LRBA: variants seen among roughly 807,000 people sequenced by gnomAD.
LRBA encodes the protein lipopolysaccharide-responsive and beige-like anchor protein.
LRBA carries 176 observed loss-of-function variants against 330.0 expected under a neutral mutation model. That is an observed-to-expected ratio of 0.53 (90% CI 0.47 to 0.60). LRBA has a LOEUF of 0.60. Among genes scored for constraint, LRBA ranks in the 20% least tolerant of loss-of-function variants. The pLI is 0.00. For missense variants in LRBA, 3,259 were observed against 3,444.8 expected (o/e 0.95, Z 1.35); for synonymous variants, 1,230 against 1,193.0 (o/e 1.03, Z -0.64).
chr4:150,418,648 A>G (rs1386873229), intron 46 of LRBA, among the ~76,000 whole-genome samples: 1 of 152,198 alleles, frequency 6.6e-6, no homozygotes, highest in East Asian at 1.9e-4. Context: ...AGCTTTCAAC[A>G]TTTCACTTGA....
At chr4:150,577,250 T>C (rs185908032) in intron 40 of LRBA, among the ~76,000 whole-genome samples, 49 of 152,138 alleles carry the variant, frequency 3.2e-4, no homozygotes, top group African/African-American at 1.2e-3. Context: ...TATTTAAATA[T>C]AATTACTTCA....
chr4:150,268,394 A>AAATT lies in LRBA; in HGVS notation c.8469-2586_8469-2583dup, dbSNP rs1205133639. On this transcript the variant is annotated intron_variant, in intron 56 of 56. Coordinates refer to ENST00000651943, the MANE Select transcript of LRBA (RefSeq NM_001364905.1). Reference sequence around the variant, plus strand: ...ATCCTTCTCAATTTCTTCTTCCAAAAAATTAAAGAATCCAGAACACTTCCT... The same window carrying AAATT: ...ATCCTTCTCAATTTCTTCTTCCAAAAAATTAATTAAAGAATCCAGAACACTTCCT... Among the ~76,000 whole-genome samples the AAATT allele has an allele frequency of 3.3e-5, 5 of 152,340 alleles. No individual in the cohort carries two copies. In the South Asian group the frequency reaches 6.2e-4, roughly 19 times the overall value.
At chr4:151,012,316 G>A (rs536566520) in intron 2 of LRBA, among the ~76,000 whole-genome samples, 2 of 152,260 alleles carry the variant, frequency 1.3e-5, no homozygotes, top group South Asian at 2.1e-4. Flanking sequence ...AATGACTCAC[G>A]TTTGGTCATC....
rs11730074 is a variant in LRBA, at chr4:150,678,954, T to C, written c.5921+4597A>G. On this transcript the variant is annotated intron_variant, in intron 37 of 56. Coordinates refer to ENST00000651943, the MANE Select transcript of LRBA (RefSeq NM_001364905.1). ...TAAGTAAGGTATATTAGCATTTTAG[T>C]ATACTAATTTCACTACAAATTCATT... Among the ~76,000 whole-genome samples the C allele has an allele frequency of 5.4e-3, 824 of 152,246 alleles. 2 individuals are homozygous for C. The highest frequency in any genetic ancestry group is 7.1e-3 in the Non-Finnish European group (484 of 68,020).
At chr4:150,532,214 T>C (rs1449974923) in intron 40 of LRBA, among the ~76,000 whole-genome samples, 1 of 152,202 alleles carries the variant, frequency 6.6e-6, no homozygotes, top group East Asian at 1.9e-4. Context: ...CCCTCATCCA[T>C]TATCCTTGTA....
intron 37 of LRBA, among the ~76,000 whole-genome samples, chr4:150,671,005 T>TG (rs1338328355): frequency 1.4e-5 from 2 of 142,128 alleles, no homozygotes; most frequent in East Asian, 4.3e-4. Context: ...AGCTGATGTG[T>TG]GTGTGTGTGT....
intron 17 of LRBA, among the ~76,000 whole-genome samples, chr4:150,878,638 C>A (rs1321285444): frequency 6.6e-6 from 1 of 151,104 alleles, no homozygotes; most frequent in East Asian, 1.9e-4. Flanking sequence ...CAAGCACAAT[C>A]AGAAATGACA....
chr4:150,432,223 G>A (rs185554962), intron 46 of LRBA, among the ~76,000 whole-genome samples: 1 of 151,848 alleles, frequency 6.6e-6, no homozygotes, highest in Non-Finnish European at 1.5e-5. Flanking sequence ...TATTAATCAG[G>A]CAAGGTATGC....
Position 151,014,471 on chromosome 4 carries a change from C to T in LRBA, c.172G>A (p.Gly58Arg), listed in dbSNP as rs776087813. 6.2e-7 allele frequency: 1 copy of T among 1,614,216 alleles called. No individual in the cohort carries two copies. The highest frequency in any genetic ancestry group is 1.1e-5 in the South Asian group (1 of 91,084). The change falls in exon 2 of 57, where the codon GGA becomes AGA. Residue 58 changes from glycine (G) to arginine (R), a missense_variant. Coordinates refer to ENST00000651943, the MANE Select transcript of LRBA (RefSeq NM_001364905.1). ...FAVLTGLVEV[G>R]EVSNRDIVET... is the part of the protein sequence containing the mutation. ...ACAATATCCCTATTGGATACTTCTC[C>T]AACTTCAACCAAACCGGTCAACACG... is the stretch of plus-strand genomic sequence containing the variant.
Position 150,916,430 on chromosome 4 carries a change from A to G in LRBA, c.865T>C (p.Cys289Arg), listed in dbSNP as rs776451692. 18 of 1,613,154 alleles carry G rather than the reference A, an allele frequency of 1.1e-5. No homozygotes were observed. Among genetic ancestry groups the G allele is most frequent in the Non-Finnish European group, 1.5e-5 (18 of 1,179,724 alleles). Residue 289 changes from cysteine to arginine, a missense_variant, in exon 7 of 57, where the codon TGT (cysteine) becomes CGT (arginine). Physicochemically the swap from Cys to Arg is radical, Grantham distance 180. Coordinates refer to ENST00000651943, the MANE Select transcript of LRBA (RefSeq NM_001364905.1). ...IKSKGKGFQH[C>R]VKFDFKPQKW... Reference sequence around the variant, plus strand: ...TGTGGCTTGAAATCAAATTTCACACAGTGTTGAAAGCCTTTTCCTTTTGAC... The same window carrying G: ...TGTGGCTTGAAATCAAATTTCACACGGTGTTGAAAGCCTTTTCCTTTTGAC...
At chr4:150,332,891 T>C (rs1205832697) in intron 48 of LRBA, among the ~76,000 whole-genome samples, 2 of 152,184 alleles carry the variant, frequency 1.3e-5, no homozygotes, top group East Asian at 3.8e-4. Context: ...AATGTATTAA[T>C]GGATCTTCAA....
At chr4:150,303,665 A>G (rs11737203) in intron 52 of LRBA, among the ~76,000 whole-genome samples, 36,563 of 151,828 alleles carry the variant, frequency 0.24, 4,500 homozygotes, top group East Asian at 0.29. Context: ...TCTGCTTCCC[A>G]GGTTCACGCC....
At chr4:150,559,549 AATAT>A (rs933520575) in intron 40 of LRBA, among the ~76,000 whole-genome samples, 2 of 126,084 alleles carry the variant, frequency 1.6e-5, no homozygotes, top group African/African-American at 3.0e-5. Flanking sequence ...ATATAAGATA[AATAT>A]ATATATTTAT....
chr4:150,584,878 GA>G lies in LRBA; in HGVS notation c.6330+3169del, dbSNP rs539377361. Among the ~76,000 whole-genome samples the G allele has an allele frequency of 3.7e-3, 564 of 152,158 alleles. 8 individuals are homozygous for G. The highest frequency in any genetic ancestry group is 2.7e-3 in the Non-Finnish European group (182 of 67,988). ...TTCCGACCCAAATCCTTAGAAAATA[GA>G]AAACACTAATTTTACTCAACTATAA... On this transcript the variant is annotated intron_variant, in intron 40 of 56. Coordinates refer to ENST00000651943, the MANE Select transcript of LRBA (RefSeq NM_001364905.1).
chr4:150,707,051 A>G (rs1740385752), intron 36 of LRBA, among the ~76,000 whole-genome samples: 1 of 151,810 alleles, frequency 6.6e-6, no homozygotes, highest in African/African-American at 2.4e-5. Context: ...TATTTATAAT[A>G]TGCTAGCATT....
chr4:150,341,531 T>C (rs763797409), intron 48 of LRBA, among the ~76,000 whole-genome samples: 3 of 152,112 alleles, frequency 2.0e-5, no homozygotes, highest in African/African-American at 4.8e-5. Context: ...AGAGCCATAC[T>C]GTGCTCTTTT....
At chr4:150,569,201 G>A (rs1436531086) in intron 40 of LRBA, among the ~76,000 whole-genome samples, 1 of 151,990 alleles carries the variant, frequency 6.6e-6, no homozygotes, top group African/African-American at 2.4e-5. Flanking sequence ...AAAAGAAAAT[G>A]GCTCTAAAGA....
chr4:150,910,397 G>C (rs1183513336), intron 9 of LRBA, among the ~76,000 whole-genome samples: 1 of 152,114 alleles, frequency 6.6e-6, no homozygotes, highest in Non-Finnish European at 1.5e-5. Context: ...TGGATATCCA[G>C]TTTTCCCAAC....
At chr4:150,889,624 A>G (rs963141897) in intron 17 of LRBA, among the ~76,000 whole-genome samples, 1 of 152,176 alleles carries the variant, frequency 6.6e-6, no homozygotes, top group South Asian at 2.1e-4. Context: ...CATGTTCCCT[A>G]TGAGAATCAA....
Sources: gnomAD v4.1 joint callset for allele counts (sites outside exome capture counted in the v4.1 genomes callset) on GRCh38, gnomAD v4.1.1 for gene constraint, MANE v1.5 for transcripts, NCBI Gene and HGNC (gene_info 2026-07-23, HGNC 2026-07-21) for gene names.